Variants in CAMK2D observed in about 807,000 individuals in gnomAD.
CAMK2D encodes the protein calcium/calmodulin-dependent protein kinase type II subunit delta.
A neutral mutation model predicts 84.0 loss-of-function variants in CAMK2D; 37 were observed. The ratio of observed to expected loss-of-function variants is 0.44; its 90% CI spans 0.34 to 0.58. CAMK2D has a LOEUF of 0.58. Ranked by LOEUF, CAMK2D falls within the 20% of genes least tolerant of loss-of-function variation. CAMK2D has a pLI of 0.02. For missense variants in CAMK2D, 448 were observed against 652.5 expected (o/e 0.69, Z 3.41); for synonymous variants, 202 against 212.5 (o/e 0.95, Z 0.43).
intron 9 of CAMK2D, 57 bp from the exon 10 acceptor site, chr4:113,515,248 G>GGAA: frequency 1.6e-6 from 2 of 1,229,952 alleles, no homozygotes; most frequent in Non-Finnish European, 2.3e-6. Context: ...GATCAAACAG[G>GGAA]GAAGAGTCAA....
Position 113,571,147 on chromosome 4 carries a change from T to A in CAMK2D, c.276-19051A>T, listed in dbSNP as rs190331121. Among the ~76,000 whole-genome samples the A allele has an allele frequency of 9.9e-4, 151 of 152,248 alleles. 1 individual carries two copies. Among genetic ancestry groups the A allele is most frequent in the African/African-American group, 3.4e-3 (142 of 41,544 alleles). On this transcript the variant is annotated intron_variant, in intron 4 of 20. Coordinates refer to ENST00000511664, the MANE Select transcript of CAMK2D (RefSeq NM_001321571.2). ...TACTATCTAAAACACAAAAGATAAG[T>A]GGTGAGGATGTGGAGAAAAGGGAAC...
rs1363843127 is a variant in CAMK2D at position 113,635,862 on chromosome 4, C to T, written c.220+25851G>A. On this transcript the variant is annotated intron_variant, in intron 3 of 20. Coordinates refer to ENST00000511664, the MANE Select transcript of CAMK2D (RefSeq NM_001321571.2). Reference sequence around the variant, plus strand: ...GGATATGTTTTAGCAAATGCAAGTGCATATTGGACTGATAGCCTGCTGACA... The same window carrying T: ...GGATATGTTTTAGCAAATGCAAGTGTATATTGGACTGATAGCCTGCTGACA... 2.0e-5 allele frequency among the ~76,000 whole-genome samples: 3 copies of T among 152,206 alleles called. No individual in the cohort carries two copies. In the East Asian group the frequency reaches 5.8e-4, roughly 29 times the overall value.
rs562751027 is a variant in CAMK2D at position 113,578,286 on chromosome 4, G to T, written c.276-26190C>A. 5.9e-5 allele frequency among the ~76,000 whole-genome samples: 9 copies of T among 152,038 alleles called. No homozygotes were observed. The East Asian group carries it at 1.7e-3, about 29-fold the overall frequency. On this transcript the variant is annotated intron_variant, in intron 4 of 20. Transcript: ENST00000511664. ...GGGACTCTGTTTCTAATTCTTGTTG[G>T]CCAGAAGAGAAAAAGAAAAAGGACT...
chr4:113,515,606 G>T lies in CAMK2D; in HGVS notation c.697-415C>A, dbSNP rs552480666. Among the ~76,000 whole-genome samples the T allele has an allele frequency of 7.6e-4, 116 of 152,220 alleles. 5 individuals are homozygous for T. In the South Asian group the frequency reaches 0.024, roughly 32 times the overall value. ...TTGCTACATGTACCAATGTCATCAT[G>T]ATATTATGCCAAGGTTCAAAATGAG... On this transcript the variant is annotated intron_variant, in intron 9 of 20. Coordinates refer to ENST00000511664, the MANE Select transcript of CAMK2D (RefSeq NM_001321571.2).
At position 113,543,538 on chromosome 4, in the gene CAMK2D, A is replaced by T. The variant is rs1022943535; in HGVS notation, c.414+4106T>A. On this transcript the variant is annotated intron_variant, in intron 6 of 20. Transcript: ENST00000511664. ...ACCGGGCCTACATACATATTTTTAC[A>T]TGATCCTTAATTCAATGGCCAGCAG... is the stretch of plus-strand genomic sequence containing the variant. 2.0e-5 allele frequency among the ~76,000 whole-genome samples: 3 copies of T among 152,016 alleles called. No homozygotes were observed. In the East Asian group the frequency reaches 5.8e-4, roughly 29 times the overall value.
chr4:113,482,277 CA>C (rs1187197835), intron 16 of CAMK2D, among the ~76,000 whole-genome samples: 1 of 151,246 alleles, frequency 6.6e-6, no homozygotes, highest in Admixed American at 6.6e-5. Flanking sequence ...CAGTCAATTC[CA>C]AAAAAAAGTG....
At chr4:113,642,165 T>C (rs1020698823) in intron 3 of CAMK2D, among the ~76,000 whole-genome samples, 1 of 152,122 alleles carries the variant, frequency 6.6e-6, no homozygotes, top group Non-Finnish European at 1.5e-5. Context: ...ATCTAACATA[T>C]AAGAATGCTT....
In CAMK2D at chr4:113,636,317, T is replaced by G. The variant is rs1309273503; in HGVS notation, c.220+25396A>C. Among the ~76,000 whole-genome samples, 7 of 152,172 alleles carry G rather than the reference T, an allele frequency of 4.6e-5. No individual in the cohort carries two copies. The East Asian group carries it at 1.3e-3, about 29-fold the overall frequency. Reference sequence around the variant, plus strand: ...TCCTGCATCTGACCACTGTGTTCTATTTCCATTGCTGCTACCTCAATTCAA... The same window carrying G: ...TCCTGCATCTGACCACTGTGTTCTAGTTCCATTGCTGCTACCTCAATTCAA... On this transcript the variant is annotated intron_variant, in intron 3 of 20. Coordinates refer to ENST00000511664, the MANE Select transcript of CAMK2D (RefSeq NM_001321571.2).
intron 16 of CAMK2D, among the ~76,000 whole-genome samples, chr4:113,494,621 G>C (rs2097900914): frequency 6.6e-6 from 1 of 152,248 alleles, no homozygotes; most frequent in Admixed American, 6.5e-5. Flanking sequence ...CCCAGAGGTG[G>C]AGCCTACAGA....
At chr4:113,493,858 C>T (rs944080166) in intron 16 of CAMK2D, among the ~76,000 whole-genome samples, 20 of 152,010 alleles carry the variant, frequency 1.3e-4, no homozygotes, top group African/African-American at 3.9e-4. Flanking sequence ...ATTCTTTTTT[C>T]TCTAAACTTC....
rs1018703011 is a variant in CAMK2D, at chr4:113,666,593, GCACGCATGCACACACACGCA to G, written c.161-4841_161-4822del. 3.2e-4 allele frequency among the ~76,000 whole-genome samples: 48 copies of G among 151,596 alleles called. No individual in the cohort carries two copies. The East Asian group carries it at 8.9e-3, about 28-fold the overall frequency. On this transcript the variant is annotated intron_variant, in intron 2 of 20. Transcript: ENST00000511664. ...TACACACACATGCATGCACACACAC[GCACGCATGCACACACACGCA>G]CACGCAGGCACACACACATATAAGC...
At chr4:113,492,218 T>C (rs1309578684) in intron 16 of CAMK2D, among the ~76,000 whole-genome samples, 1 of 152,186 alleles carries the variant, frequency 6.6e-6, no homozygotes, top group Non-Finnish European at 1.5e-5. Context: ...TTTCTAGTTC[T>C]TTTAATTGTG....
chr4:113,626,497 C>T (rs2099068821), intron 3 of CAMK2D, among the ~76,000 whole-genome samples: 1 of 152,148 alleles, frequency 6.6e-6, no homozygotes, highest in Admixed American at 6.6e-5. Context: ...AAAGTTGATA[C>T]ATTTGTTATG....
intron 6 of CAMK2D, among the ~76,000 whole-genome samples, chr4:113,540,945 C>A (rs1184180829): frequency 6.6e-6 from 1 of 152,156 alleles, no homozygotes; most frequent in Non-Finnish European, 1.5e-5. Flanking sequence ...TTCCCCACCC[C>A]CACTGCTTCC....
At chr4:113,612,278 T>C (rs1222992132) in intron 3 of CAMK2D, among the ~76,000 whole-genome samples, 1 of 152,224 alleles carries the variant, frequency 6.6e-6, no homozygotes, top group African/African-American at 2.4e-5. Context: ...TCTTCAAGCC[T>C]TTTCTGTTGG....
intron 4 of CAMK2D, among the ~76,000 whole-genome samples, chr4:113,599,414 C>T (rs1018803848): frequency 6.6e-6 from 1 of 152,074 alleles, no homozygotes; most frequent in Non-Finnish European, 1.5e-5. Context: ...TTCATAATTG[C>T]CAAAATTTGA....
chr4:113,572,460 CCAAACA>C (rs1439577287), intron 4 of CAMK2D, among the ~76,000 whole-genome samples: 1 of 149,304 alleles, frequency 6.7e-6, no homozygotes, highest in East Asian at 2.0e-4. Flanking sequence ...AAAAAAAAAA[CCAAACA>C]CAAAGGACAT....
At chr4:113,722,209 C>T (rs1306293421) in intron 2 of CAMK2D, among the ~76,000 whole-genome samples, 4 of 152,122 alleles carry the variant, frequency 2.6e-5, no homozygotes, top group Non-Finnish European at 5.9e-5. Flanking sequence ...TAAACCAAAA[C>T]AACTAAAAGG....
chr4:113,732,443 G>A (rs534406545), intron 2 of CAMK2D, among the ~76,000 whole-genome samples: 7 of 151,994 alleles, frequency 4.6e-5, no homozygotes, highest in Admixed American at 1.3e-4. Flanking sequence ...TTTTAATGTC[G>A]AAACACTTGC....
Sources: gnomAD v4.1 joint callset for allele counts (sites outside exome capture counted in the v4.1 genomes callset) on GRCh38, gnomAD v4.1.1 for gene constraint, MANE v1.5 for transcripts, NCBI Gene and HGNC (gene_info 2026-07-23, HGNC 2026-07-21) for gene names.